The following RAD51B variants were observed in gnomAD, a reference collection of about 807,000 sequenced individuals.
RAD51B encodes DNA repair protein RAD51 homolog 2.
RAD51B carries 38 observed loss-of-function variants against 42.2 expected under a neutral mutation model. The ratio of observed to expected loss-of-function variants is 0.90; its 90% CI spans 0.70 to 1.18. The LOEUF is 1.18. Among genes scored for constraint, RAD51B ranks in the 50% most tolerant of loss-of-function variants. The pLI is 0.00. For missense variants in RAD51B, 373 were observed against 400.7 expected, an observed-to-expected ratio of 0.93 and a Z score of 0.59; for synonymous variants, 154 against 145.2, an observed-to-expected ratio of 1.06 and a Z score of -0.43.
intron 8 of RAD51B, among the ~76,000 whole-genome samples, chr14:68,331,418 G>A (rs1032204660): frequency 3.5e-5 from 5 of 143,384 alleles, no homozygotes; most frequent in Admixed American, 7.2e-5. Flanking sequence ...GGTTTCAATG[G>A]ATCTATACTT....
At chr14:68,151,925 C>T (rs2078396589) in intron 7 of RAD51B, among the ~76,000 whole-genome samples, 2 of 134,922 alleles carry the variant, frequency 1.5e-5, no homozygotes, top group South Asian at 5.0e-4. Context: ...CTCACCACAA[C>T]CTCCGCCTCC....
chr14:68,375,321 C>A (rs183578725), intron 8 of RAD51B, among the ~76,000 whole-genome samples: 49 of 152,030 alleles, frequency 3.2e-4, no homozygotes, highest in Admixed American at 1.2e-3. Context: ...TCCATACTTT[C>A]TACTTTTTAT....
At chr14:68,203,560 C>A (rs1315887801) in intron 7 of RAD51B, among the ~76,000 whole-genome samples, 5 of 152,162 alleles carry the variant, frequency 3.3e-5, no homozygotes, top group African/African-American at 1.2e-4. Context: ...TTAGAGTCAT[C>A]AGCTGCATTA....
intron 7 of RAD51B, among the ~76,000 whole-genome samples, chr14:68,003,077 A>G (rs2075517117): frequency 6.6e-6 from 1 of 152,312 alleles, no homozygotes. Context: ...TGTCAATGGT[A>G]GTTTAACGGG....
intron 8 of RAD51B, among the ~76,000 whole-genome samples, chr14:68,310,123 T>C (rs762951702): frequency 9.2e-5 from 14 of 152,164 alleles, no homozygotes; most frequent in Non-Finnish European, 1.6e-4. Context: ...AATAAACTGG[T>C]TTTGAATCAA....
chr14:67,920,519 T>C (rs1012545591), intron 7 of RAD51B, among the ~76,000 whole-genome samples: 18 of 152,324 alleles, frequency 1.2e-4, no homozygotes, highest in African/African-American at 4.3e-4. Context: ...GGCCAGTTAA[T>C]ATATGCACAG....
chr14:68,148,639 A>G (rs752041126), intron 7 of RAD51B, among the ~76,000 whole-genome samples: 4 of 152,218 alleles, frequency 2.6e-5, no homozygotes, highest in Non-Finnish European at 4.4e-5. Flanking sequence ...TTCCTGGGCT[A>G]GTGATATGTG....
intron 8 of RAD51B, among the ~76,000 whole-genome samples, chr14:68,407,767 G>A (rs2084315185): frequency 1.3e-5 from 2 of 152,208 alleles, no homozygotes; most frequent in African/African-American, 4.8e-5. Context: ...GTAGATTTGG[G>A]ACATGTGAAC....
Position 68,515,817 on chromosome 14 carries a change from G to A in RAD51B, c.1036+47567G>A, listed in dbSNP as rs142800170. On this transcript the variant is annotated intron_variant, in intron 10 of 10. Coordinates refer to the RAD51B transcript ENST00000487270. Reference sequence around the variant, plus strand: ...TTTTGAGACAGAGTCTCACTCTGTCGCCCAGGCTGGAGTGCTGGAGTGCAG... The same window carrying A: ...TTTTGAGACAGAGTCTCACTCTGTCACCCAGGCTGGAGTGCTGGAGTGCAG... Among the ~76,000 whole-genome samples the A allele has an allele frequency of 6.1e-3, 806 of 133,188 alleles. 11 individuals carry two copies. Among genetic ancestry groups the A allele is most frequent in the African/African-American group, 0.022 (759 of 35,214 alleles). 87.4% of individuals were successfully genotyped at this position (133,188 alleles called of 152,430 possible).
At chr14:68,613,663 C>T (rs1435708834), downstream of RAD51B, among the ~76,000 whole-genome samples, 1 of 151,980 alleles carries the variant, frequency 6.6e-6, no homozygotes, top group Non-Finnish European at 1.5e-5. Context: ...ACCGTGTTAG[C>T]CAGGATGGTC....
rs140213534 is a variant in RAD51B, at chr14:68,057,821, T to TTGTGTGTGTGTGTGTG, written c.756+170639_756+170654dup. Among the ~76,000 whole-genome samples, 498 of 138,670 alleles carry TTGTGTGTGTGTGTGTG rather than the reference T, an allele frequency of 3.6e-3. 5 individuals carry two copies. The highest frequency in any genetic ancestry group is 0.013 in the African/African-American group (478 of 38,142). The allele number at this position is 138,670 out of a possible 152,430, so 91.0% of individuals were successfully genotyped here. On this transcript the variant is annotated intron_variant, in intron 7 of 10. Coordinates refer to ENST00000471583, the MANE Select transcript of RAD51B (RefSeq NM_133510.4). ...AATGTGACTGTAACCTTTTAGTTCT[T>TTGTGTGTGTGTGTGTG]TGTGTGTGTGTGTGTGTGTGTGTGT...
At chr14:68,278,756 T>G (rs2081268932) in intron 7 of RAD51B, among the ~76,000 whole-genome samples, 1 of 152,142 alleles carries the variant, frequency 6.6e-6, no homozygotes, top group South Asian at 2.1e-4. Context: ...TTCCAGCCCT[T>G]GGGCCACATG....
intron 8 of RAD51B, among the ~76,000 whole-genome samples, chr14:68,387,769 C>G (rs1409771198): frequency 2.6e-5 from 4 of 152,108 alleles, no homozygotes; most frequent in Admixed American, 1.3e-4. Flanking sequence ...CACACACACT[C>G]TACCACTACA....
At chr14:67,979,187 G>A (rs1236917092) in intron 7 of RAD51B, among the ~76,000 whole-genome samples, 2 of 152,200 alleles carry the variant, frequency 1.3e-5, no homozygotes, top group East Asian at 1.9e-4. Flanking sequence ...CAAGATGAGT[G>A]TAGAAAGTTG....
At chr14:68,050,601 C>T (rs974550001) in intron 7 of RAD51B, among the ~76,000 whole-genome samples, 2 of 152,158 alleles carry the variant, frequency 1.3e-5, no homozygotes, top group African/African-American at 4.8e-5. Context: ...TATTCACACG[C>T]ATGTGTGTGT....
chr14:68,655,207 A>ATC lies in RAD51B; in HGVS notation c.*11+4364_*11+4365dup, dbSNP rs374546216. Among the ~76,000 whole-genome samples, 340 of 151,222 alleles carry ATC rather than the reference A, an allele frequency of 2.2e-3. 2 individuals carry two copies. Among genetic ancestry groups the ATC allele is most frequent in the African/African-American group, 7.6e-3 (313 of 41,286 alleles). ...TCTCAGGAGCCCGGTGCTGATGGTG[A>ATC]TCTCTCTCTCTCTCAATGCAGGAAC... On this transcript the variant is annotated intron_variant, in intron 11 of 11. Transcript: ENST00000488612.
At chr14:68,012,256 G>T (rs1333734154) in intron 7 of RAD51B, among the ~76,000 whole-genome samples, 3 of 151,974 alleles carry the variant, frequency 2.0e-5, no homozygotes, top group African/African-American at 4.8e-5. Context: ...GCTATTATGA[G>T]TATTATAATA....
At chr14:68,214,245 C>G (rs1368013496) in intron 7 of RAD51B, among the ~76,000 whole-genome samples, 2 of 152,156 alleles carry the variant, frequency 1.3e-5, no homozygotes, top group African/African-American at 2.4e-5. Flanking sequence ...CACAAAAATT[C>G]TTTTTGGTAT....
intron 8 of RAD51B, among the ~76,000 whole-genome samples, chr14:68,404,930 T>C (rs1481516925): frequency 6.6e-6 from 1 of 152,184 alleles, no homozygotes; most frequent in Non-Finnish European, 1.5e-5. Flanking sequence ...CTTTGAGCTC[T>C]CAAGACTCTT....
Sources: allele counts gnomAD v4.1 joint callset (sites outside exome capture counted in the v4.1 genomes callset), GRCh38; gene constraint gnomAD v4.1.1; transcripts MANE v1.5; gene names NCBI Gene and HGNC (gene_info 2026-07-23, HGNC 2026-07-21).